The following PTPRD variants were observed in gnomAD, a reference collection of about 807,000 sequenced individuals.
PTPRD encodes the protein protein tyrosine phosphatase receptor type D.
PTPRD carries 34 observed loss-of-function variants against 214.5 expected under a neutral mutation model. That is an observed-to-expected ratio of 0.16 (90% CI 0.12 to 0.21). The LOEUF (loss-of-function observed/expected upper bound fraction) is 0.21, where lower values mean the gene tolerates loss of function less well. PTPRD is among the 10% of genes least tolerant of loss of function. PTPRD has a pLI of 1.00. For missense variants in PTPRD, 2,545 were observed against 2,398.7 expected (o/e 1.06, Z -1.27); for synonymous variants, 1,128 against 845.7 (o/e 1.33, Z -5.79).
At chr9:8,626,415 T>C (rs773412989) in intron 14 of PTPRD, among the ~76,000 whole-genome samples, 2 of 151,884 alleles carry the variant, frequency 1.3e-5, no homozygotes, top group Non-Finnish European at 2.9e-5. Context: ...CTTTTACTAC[T>C]ACTATTTTAC....
At chr9:8,740,381 C>T (rs1432847001) in intron 11 of PTPRD, among the ~76,000 whole-genome samples, 4 of 152,178 alleles carry the variant, frequency 2.6e-5, no homozygotes, top group Non-Finnish European at 5.9e-5. Context: ...TACTTCTAAA[C>T]ATCCTCATGA....
At chr9:10,352,376 T>A (rs1360779817) in intron 2 of PTPRD, among the ~76,000 whole-genome samples, 1 of 152,020 alleles carries the variant, frequency 6.6e-6, no homozygotes, top group Non-Finnish European at 1.5e-5. Flanking sequence ...CTCGATTGAA[T>A]GTTTTGACCA....
chr9:9,285,282 T>G, intron 9 of PTPRD, among the ~76,000 whole-genome samples: 1 of 151,970 alleles, frequency 6.6e-6, no homozygotes, highest in Non-Finnish European at 1.5e-5. Flanking sequence ...CAAAGTTAAA[T>G]ATTACCATAC....
At chr9:10,160,265 C>T (rs140808977) in intron 3 of PTPRD, among the ~76,000 whole-genome samples, 1 of 151,984 alleles carries the variant, frequency 6.6e-6, no homozygotes, top group Non-Finnish European at 1.5e-5. Context: ...TGAATACATT[C>T]CTGGGCACAT....
intron 2 of PTPRD, among the ~76,000 whole-genome samples, chr9:10,557,543 A>C (rs1299637555): frequency 6.6e-6 from 1 of 152,130 alleles, no homozygotes; most frequent in Non-Finnish European, 1.5e-5. Context: ...CAAAGTTTTC[A>C]CTGCTGCTCT....
At chr9:8,386,795 C>A (rs986797507) in intron 37 of PTPRD, among the ~76,000 whole-genome samples, 3 of 152,202 alleles carry the variant, frequency 2.0e-5, no homozygotes, top group Non-Finnish European at 2.9e-5. Flanking sequence ...CTTCTCCTTT[C>A]TTCCCGCTAC....
At chr9:8,874,075 A>T (rs1250973860) in intron 11 of PTPRD, among the ~76,000 whole-genome samples, 4 of 152,184 alleles carry the variant, frequency 2.6e-5, no homozygotes. Context: ...TTAATAAAAC[A>T]ATGTAACACT....
chr9:9,024,949 C>G (rs148506243), intron 10 of PTPRD, among the ~76,000 whole-genome samples: 2 of 152,040 alleles, frequency 1.3e-5, no homozygotes, highest in African/African-American at 4.8e-5. Flanking sequence ...AAAGTGATTA[C>G]AAATAGATGA....
intron 4 of PTPRD, among the ~76,000 whole-genome samples, chr9:10,007,666 G>A (rs987527407): frequency 4.0e-4 from 61 of 151,884 alleles, no homozygotes; most frequent in African/African-American, 1.4e-3. Context: ...GCAAAATTTT[G>A]TTCATAAGCC....
At chr9:8,569,421 A>G (rs879769444) in intron 14 of PTPRD, among the ~76,000 whole-genome samples, 1 of 152,146 alleles carries the variant, frequency 6.6e-6, no homozygotes, top group Non-Finnish European at 1.5e-5. Context: ...ACAGGCAGAG[A>G]GGGGAAGAAC....
chr9:9,912,726 G>A (rs1178054739), intron 5 of PTPRD, among the ~76,000 whole-genome samples: 1 of 152,164 alleles, frequency 6.6e-6, no homozygotes, highest in East Asian at 1.9e-4. Context: ...AATGATGTCA[G>A]AAGCCAATAA....
intron 10 of PTPRD, among the ~76,000 whole-genome samples, chr9:9,089,438 T>C (rs772202107): frequency 2.0e-5 from 3 of 152,170 alleles, no homozygotes; most frequent in Non-Finnish European, 4.4e-5. Flanking sequence ...AGTACGAATA[T>C]TAATATTTGA....
chr9:9,307,207 G>C (rs1333106), intron 9 of PTPRD, among the ~76,000 whole-genome samples: 1 of 151,974 alleles, frequency 6.6e-6, no homozygotes, highest in Non-Finnish European at 1.5e-5. Context: ...TTGTTTGGAT[G>C]GAGAGAAAAA....
At chr9:10,345,758 G>C (rs201555502) in intron 2 of PTPRD, among the ~76,000 whole-genome samples, 1 of 152,124 alleles carries the variant, frequency 6.6e-6, no homozygotes, top group Non-Finnish European at 1.5e-5. Flanking sequence ...AGAATGATTT[G>C]TAATCCTTTG....
At chr9:9,746,102 T>C (rs2098455359) in intron 6 of PTPRD, among the ~76,000 whole-genome samples, 1 of 152,080 alleles carries the variant, frequency 6.6e-6, no homozygotes, top group Non-Finnish European at 1.5e-5. Context: ...TTAAAAAAGT[T>C]TACTTCAGTT....
chr9:9,175,893 T>G (rs1429680129), intron 10 of PTPRD, among the ~76,000 whole-genome samples: 1 of 152,208 alleles, frequency 6.6e-6, no homozygotes, highest in Admixed American at 6.5e-5. Flanking sequence ...TGGGTATAAC[T>G]TAATGCCCCA....
At chr9:9,871,570 C>T (rs1246341879) in intron 5 of PTPRD, among the ~76,000 whole-genome samples, 1 of 151,964 alleles carries the variant, frequency 6.6e-6, no homozygotes, top group African/African-American at 2.4e-5. Context: ...CCTCCTTGGG[C>T]CCTAAGATTA....
intron 2 of PTPRD, among the ~76,000 whole-genome samples, chr9:10,474,298 C>A (rs1381030322): frequency 2.8e-5 from 3 of 107,740 alleles, no homozygotes; most frequent in African/African-American, 6.6e-5. Flanking sequence ...ATTTACCAAG[C>A]AAATGGAAAG....
At chr9:10,255,721 G>C (rs1473571688) in intron 3 of PTPRD, among the ~76,000 whole-genome samples, 1 of 152,028 alleles carries the variant, frequency 6.6e-6, no homozygotes, top group East Asian at 1.9e-4. Flanking sequence ...TTAGCACTAA[G>C]CTTAAAACAT....
Sources: allele counts gnomAD v4.1 joint callset (sites outside exome capture counted in the v4.1 genomes callset), GRCh38; gene constraint gnomAD v4.1.1; transcripts MANE v1.5; gene names NCBI Gene and HGNC (gene_info 2026-07-23, HGNC 2026-07-21).